The following NFATC3 variants were observed in gnomAD, a reference collection of about 807,000 sequenced individuals.
NFATC3 encodes the protein nuclear factor of activated T-cells, cytoplasmic 3.
In NFATC3, 46 loss-of-function variants were observed where a neutral mutation model predicts 98.6. The ratio of observed to expected loss-of-function variants is 0.47; its 90% CI spans 0.37 to 0.60. NFATC3 has a LOEUF of 0.60. Ranked by LOEUF, NFATC3 falls within the 20% of genes least tolerant of loss-of-function variation. NFATC3 has a pLI of 0.00. For missense variants in NFATC3, 1,256 were observed against 1,295.5 expected, an observed-to-expected ratio of 0.97 and a Z score of 0.47; for synonymous variants, 512 against 472.2, an observed-to-expected ratio of 1.08 and a Z score of -1.09.
intron 9 of NFATC3, among the ~76,000 whole-genome samples, chr16:68,205,791 A>G (rs1467573405): frequency 1.3e-5 from 2 of 152,116 alleles, no homozygotes; most frequent in African/African-American, 2.4e-5. Flanking sequence ...TTGAGAGATT[A>G]TTCTATACTG....
intron 1 of NFATC3, among the ~76,000 whole-genome samples, chr16:68,114,599 G>A (rs10451114): frequency 0.052 from 7,514 of 144,248 alleles, 647 homozygotes; most frequent in African/African-American, 0.18. Context: ...TTTTTGAGAC[G>A]GAGTCTTGCT....
At chr16:68,198,118 G>C (rs2040750269) in intron 9 of NFATC3, among the ~76,000 whole-genome samples, 1 of 151,760 alleles carries the variant, frequency 6.6e-6, no homozygotes, top group Non-Finnish European at 1.5e-5. Flanking sequence ...CCAGGAGTTT[G>C]AGAATAGCCT....
chr16:68,133,507 A>G (rs888718797), intron 3 of NFATC3, among the ~76,000 whole-genome samples: 6 of 152,214 alleles, frequency 3.9e-5, no homozygotes, highest in African/African-American at 7.2e-5. Flanking sequence ...TTTAACACGC[A>G]AGTATAAATA....
intron 9 of NFATC3, chr16:68,214,383 C>T (rs752524855): frequency 6.2e-7 from 1 of 1,614,188 alleles, no homozygotes; most frequent in South Asian, 1.1e-5. Flanking sequence ...GAGAAATGGC[C>T]TAACCACAGT....
chr16:68,103,871 C>A (rs986752577), intron 1 of NFATC3, among the ~76,000 whole-genome samples: 2 of 152,340 alleles, frequency 1.3e-5, no homozygotes, highest in Admixed American at 1.3e-4. Flanking sequence ...GGGTTTATTT[C>A]TGAACTCTCA....
intron 6 of NFATC3, among the ~76,000 whole-genome samples, chr16:68,175,838 G>A (rs12448677): frequency 0.12 from 18,050 of 152,032 alleles, 1,217 homozygotes; most frequent in South Asian, 0.2. Flanking sequence ...TAGGATCTAC[G>A]CGCCAGTCAT....
In NFATC3 at chr16:68,185,959, A is replaced by G. The variant is rs79095797; in HGVS notation, c.2098+2593A>G. ...ATAAAAAGGCAGAATCCTAGAGGAT[A>G]TTACATTTGGGAATGGAAATCAGTA... is the stretch of plus-strand genomic sequence containing the variant. On this transcript the variant is annotated intron_variant, in intron 8 of 9. Coordinates refer to ENST00000346183, the MANE Select transcript of NFATC3 (RefSeq NM_173165.3). 8.2e-3 allele frequency among the ~76,000 whole-genome samples: 1,249 copies of G among 152,080 alleles called. 17 individuals are homozygous for G. The highest frequency in any genetic ancestry group is 0.028 in the African/African-American group (1,168 of 41,464).
At chr16:68,113,139 T>G (rs1022030659) in intron 1 of NFATC3, among the ~76,000 whole-genome samples, 1 of 152,218 alleles carries the variant, frequency 6.6e-6, no homozygotes, top group African/African-American at 2.4e-5. Context: ...GATGGAGAAG[T>G]GTTGCAATCA....
chr16:68,221,306 C>T (rs1472829259), intron 9 of NFATC3: 1 of 1,612,572 alleles, frequency 6.2e-7, no homozygotes, highest in South Asian at 1.1e-5. Context: ...AACCCAGAGC[C>T]CCCAGCCCGA....
At chr16:68,090,340 C>T (rs113426938) in intron 1 of NFATC3, among the ~76,000 whole-genome samples, 34 of 123,516 alleles carry the variant, frequency 2.8e-4, no homozygotes, top group Non-Finnish European at 2.3e-4. Flanking sequence ...CACACACACA[C>T]GCACACACAC....
chr16:68,085,975 G>GT (rs1183887813), intron 1 of NFATC3, 191 bp downstream of exon 1: 2 of 456,464 alleles, frequency 4.4e-6, no homozygotes, highest in African/African-American at 4.1e-5. Flanking sequence ...CGACGTGGAA[G>GT]TGGTGGCGGG....
At chr16:68,194,052 G>A (rs1027046146) in intron 9 of NFATC3, among the ~76,000 whole-genome samples, 10 of 152,118 alleles carry the variant, frequency 6.6e-5, no homozygotes, top group Non-Finnish European at 1.2e-4. Context: ...AAATTGCATA[G>A]CATTTTTCTA....
rs1466372347 is a variant in NFATC3, at chr16:68,191,042, A to G, written c.2373A>G (p.Gln791=). ...CTCCAATTGTACACCAGCCTTTTCA[A>G]GTCACACCAACACCTCCTGTGGGGT... ...IPSPIVHQPF[Q]VTPTPPVGSS... is the part of the protein sequence containing the mutation. Residue 791 remains glutamine, a synonymous_variant, in exon 9 of 10, where the codon CAA becomes CAG. Transcript: ENST00000346183. The G allele has an allele frequency of 8.7e-6, 14 of 1,614,230 alleles. No individual in the cohort carries two copies. Among genetic ancestry groups the G allele is most frequent in the Non-Finnish European group, 1.2e-5 (14 of 1,180,052 alleles).
intron 9 of NFATC3, among the ~76,000 whole-genome samples, chr16:68,220,542 GA>G (rs1374711710): frequency 6.7e-6 from 1 of 149,054 alleles, no homozygotes; most frequent in African/African-American, 2.5e-5. Flanking sequence ...TTAAATTGGT[GA>G]AAAAAATAGG....
At chr16:68,193,888 G>C (rs923122017) in intron 9 of NFATC3, among the ~76,000 whole-genome samples, 2 of 151,886 alleles carry the variant, frequency 1.3e-5, no homozygotes, top group East Asian at 3.9e-4. Context: ...TGTTTGTCAG[G>C]GAAGGATATG....
chr16:68,181,923 T>C (rs1467514787), intron 7 of NFATC3, among the ~76,000 whole-genome samples: 2 of 152,080 alleles, frequency 1.3e-5, no homozygotes, highest in Non-Finnish European at 2.9e-5. Flanking sequence ...TGAGACCCTG[T>C]CTAAAAAAGT....
At chr16:68,124,591 C>T (rs904814554) in intron 2 of NFATC3, among the ~76,000 whole-genome samples, 10 of 152,004 alleles carry the variant, frequency 6.6e-5, no homozygotes, top group East Asian at 1.9e-4. Context: ...TCCGGCACCA[C>T]GCCCGGCTAA....
chr16:68,226,279 G>GCTAATCA, intron 9 of NFATC3, 71 bp from the exon 10 acceptor site: 1 of 1,507,590 alleles, frequency 6.6e-7, no homozygotes, highest in Non-Finnish European at 8.8e-7. Context: ...CTGAGGTAGA[G>GCTAATCA]CTCAGCGTTG....
At chr16:68,133,258 C>CTT (rs2037209966) in intron 3 of NFATC3, among the ~76,000 whole-genome samples, 1 of 152,110 alleles carries the variant, frequency 6.6e-6, no homozygotes, top group South Asian at 2.1e-4. Context: ...GAGTGAGACT[C>CTT]TGTCTAAAAA....
Sources: gnomAD v4.1 joint callset for allele counts (sites outside exome capture counted in the v4.1 genomes callset) on GRCh38, gnomAD v4.1.1 for gene constraint, MANE v1.5 for transcripts, NCBI Gene and HGNC (gene_info 2026-07-23, HGNC 2026-07-21) for gene names.